Variants in DLC1 observed in about 807,000 individuals in gnomAD.
DLC1 encodes DLC1 Rho GTPase activating protein, also known as rho GTPase-activating protein 7.
Under a neutral mutation model 140.3 loss-of-function variants are expected in DLC1, and 54 were observed. The ratio of observed to expected loss-of-function variants is 0.38; its 90% CI spans 0.31 to 0.48. The LOEUF is 0.48. Ranked by LOEUF, DLC1 falls within the 20% of genes least tolerant of loss-of-function variation. The probability of loss-of-function intolerance (pLI) is 0.96; values close to 1 mark genes in which losing one functional copy is unlikely to be tolerated. For missense variants in DLC1, 2,536 were observed against 1,907.0 expected, an observed-to-expected ratio of 1.33 and a Z score of -6.14; for synonymous variants, 986 against 728.1, an observed-to-expected ratio of 1.35 and a Z score of -5.70.
At chr8:13,527,418 A>T (rs1006286100) in intron 1 of DLC1, among the ~76,000 whole-genome samples, 7 of 152,164 alleles carry the variant, frequency 4.6e-5, no homozygotes, top group African/African-American at 1.7e-4. Flanking sequence ...TGAATGTTAG[A>T]CAAATGTTGC....
rs115269616 is a variant in DLC1 at position 13,110,322 on chromosome 8, C to T, written c.1502+420G>A. On this transcript the variant is annotated intron_variant, in intron 7 of 17. Transcript: ENST00000276297. ...TATTTCGTCCTATCATTATTTTATA[C>T]GAGGGGAAACTGAAGAGGTTGAGAG... 1.8e-3 allele frequency among the ~76,000 whole-genome samples: 278 copies of T among 152,202 alleles called. 2 individuals carry two copies. The highest frequency in any genetic ancestry group is 6.3e-3 in the African/African-American group (262 of 41,502).
intron 5 of DLC1, among the ~76,000 whole-genome samples, chr8:13,285,365 C>A (rs1418882007): frequency 6.6e-6 from 1 of 152,102 alleles, no homozygotes; most frequent in Admixed American, 6.5e-5. Context: ...AAACCTTGAG[C>A]TTTACCTCAC....
chr8:13,475,900 C>G (rs755652407), intron 2 of DLC1, among the ~76,000 whole-genome samples: 1 of 152,234 alleles, frequency 6.6e-6, no homozygotes, highest in African/African-American at 2.4e-5. Context: ...ACTGCCTTCA[C>G]TCCCTTCAAT....
intron 7 of DLC1, among the ~76,000 whole-genome samples, chr8:13,107,241 A>G (rs1585641072): frequency 6.6e-6 from 1 of 152,306 alleles, no homozygotes; most frequent in East Asian, 1.9e-4. Context: ...CATAAAACCC[A>G]CTAACTCTAC....
At chr8:13,322,679 G>A (rs999744016) in intron 4 of DLC1, among the ~76,000 whole-genome samples, 1 of 152,064 alleles carries the variant, frequency 6.6e-6, no homozygotes, top group African/African-American at 2.4e-5. Context: ...GTTTCTTTTG[G>A]AAAAGTGTGT....
chr8:13,517,487 T>A (rs1023058093), upstream of DLC1, among the ~76,000 whole-genome samples: 3 of 152,230 alleles, frequency 2.0e-5, no homozygotes, highest in African/African-American at 7.2e-5. Context: ...TATATTTATT[T>A]TTCATTGTTG....
intron 5 of DLC1, among the ~76,000 whole-genome samples, chr8:13,279,752 C>G (rs1831300471): frequency 6.6e-6 from 1 of 152,142 alleles, no homozygotes; most frequent in Non-Finnish European, 1.5e-5. Flanking sequence ...TTACATTTTG[C>G]TTTCTTTGTA....
At chr8:13,415,609 C>G (rs1312178407) in intron 2 of DLC1, among the ~76,000 whole-genome samples, 1 of 152,032 alleles carries the variant, frequency 6.6e-6, no homozygotes, top group Non-Finnish European at 1.5e-5. Flanking sequence ...CCGTATTAGC[C>G]AGGATGGTCT....
intron 4 of DLC1, among the ~76,000 whole-genome samples, chr8:13,380,288 C>G (rs1050930011): frequency 1.3e-5 from 2 of 152,180 alleles, no homozygotes; most frequent in African/African-American, 4.8e-5. Flanking sequence ...CATTTTAAAG[C>G]AGAGTCATCA....
At chr8:13,171,819 A>G (rs1396237958) in intron 5 of DLC1, among the ~76,000 whole-genome samples, 1 of 152,172 alleles carries the variant, frequency 6.6e-6, no homozygotes, top group Non-Finnish European at 1.5e-5. Context: ...ACCCTTGGGG[A>G]CGTCAGTGTT....
In DLC1 at chr8:13,193,446, C is replaced by T. The variant is rs148989675; in HGVS notation, c.1349-77789G>A. Among the ~76,000 whole-genome samples, 257 of 152,158 alleles carry T rather than the reference C, an allele frequency of 1.7e-3. 1 individual carries two copies. Among genetic ancestry groups the T allele is most frequent in the African/African-American group, 5.7e-3 (235 of 41,502 alleles). ...AGGACTTAGTAGGAATCCACCACAC[C>T]TCTAATAGTTTAGTGCCACATCTGT... On this transcript the variant is annotated intron_variant, in intron 5 of 17. Transcript: ENST00000276297.
At chr8:13,431,482 CAAAAAAAAAAAAAAAA>C (rs56057254) in intron 2 of DLC1, among the ~76,000 whole-genome samples, 4 of 40,596 alleles carry the variant, frequency 9.9e-5, no homozygotes, top group East Asian at 1.1e-3. Context: ...GACTCCGTCT[CAAAAAAAAAAAAAAAA>C]AAAAAAAAAA....
intron 5 of DLC1, among the ~76,000 whole-genome samples, chr8:13,120,032 T>C (rs1012038744): frequency 6.6e-6 from 1 of 151,732 alleles, no homozygotes; most frequent in East Asian, 1.9e-4. Context: ...CAAGACAGGT[T>C]CTTCCCTTTA....
intron 5 of DLC1, among the ~76,000 whole-genome samples, chr8:13,223,070 T>G (rs550276943): frequency 1.3e-5 from 2 of 152,268 alleles, no homozygotes; most frequent in South Asian, 4.1e-4. Flanking sequence ...TTTTTGAAAT[T>G]CTAGTTCTAT....
At chr8:13,581,003 C>G (rs777676983) in intron 1 of DLC1, among the ~76,000 whole-genome samples, 3 of 152,166 alleles carry the variant, frequency 2.0e-5, no homozygotes, top group Admixed American at 6.5e-5. Flanking sequence ...ATCAGCTTTC[C>G]CCCATGTAGG....
chr8:13,357,933 C>T (rs1489900997), intron 4 of DLC1, among the ~76,000 whole-genome samples: 2 of 152,048 alleles, frequency 1.3e-5, no homozygotes, highest in Non-Finnish European at 2.9e-5. Context: ...GCCTATGGTA[C>T]AGATTTTCAA....
intron 1 of DLC1, among the ~76,000 whole-genome samples, chr8:13,535,025 A>G (rs1803228223): frequency 6.6e-6 from 1 of 152,142 alleles, no homozygotes; most frequent in Admixed American, 6.5e-5. Context: ...TTTTCAGCAC[A>G]TATTTGTTGA....
At chr8:13,205,344 T>G (rs530343494) in intron 5 of DLC1, among the ~76,000 whole-genome samples, 18 of 152,340 alleles carry the variant, frequency 1.2e-4, no homozygotes, top group African/African-American at 4.3e-4. Context: ...ATTTAAGCTT[T>G]GCAAATATTT....
chr8:13,261,807 T>G (rs1830480683), intron 5 of DLC1, among the ~76,000 whole-genome samples: 1 of 152,202 alleles, frequency 6.6e-6, no homozygotes, highest in Admixed American at 6.5e-5. Context: ...GCTCAATTTT[T>G]GACATGTTAT....
Sources: allele counts gnomAD v4.1 joint callset (sites outside exome capture counted in the v4.1 genomes callset), GRCh38; gene constraint gnomAD v4.1.1; transcripts MANE v1.5; gene names NCBI Gene and HGNC (gene_info 2026-07-23, HGNC 2026-07-21).